Variants in MRPL19 observed in about 807,000 individuals in gnomAD.
MRPL19 encodes mitochondrial ribosomal protein L19, also known as large ribosomal subunit protein bL19m.
In MRPL19, 31 loss-of-function variants were observed where a neutral mutation model predicts 34.0. That is an observed-to-expected ratio of 0.91 (90% confidence interval 0.68 to 1.23). The LOEUF (loss-of-function observed/expected upper bound fraction) is 1.23, where lower values mean the gene tolerates loss of function less well. MRPL19 is among the 50% of genes most tolerant of loss of function. The pLI is 0.00. For synonymous variants in MRPL19, 152 were observed against 127.7 expected (o/e 1.19, Z -1.28); for missense variants, 384 against 367.6 (o/e 1.04, Z -0.37).
chr2:75,652,435 C>T (rs1431173961), intron 3 of MRPL19, 88 bp from the exon 4 acceptor site: 1 of 1,469,814 alleles, frequency 6.8e-7, no homozygotes, highest in African/African-American at 1.4e-5. Flanking sequence ...TCTAGAAATG[C>T]TATTTGTTTG....
intron 2 of MRPL19, chr2:75,651,919 CTA>C (rs1474526555): frequency 1.0e-4 from 34 of 339,156 alleles, no homozygotes; most frequent in African/African-American, 7.2e-4. Flanking sequence ...TTAATTTATG[CTA>C]TAGATGTTTC....
chr2:75,647,017 G>C (rs1436249184), intron 1 of MRPL19, 85 bp from the exon 2 acceptor site: 16 of 1,485,872 alleles, frequency 1.1e-5, no homozygotes, highest in Non-Finnish European at 1.4e-5. Context: ...TCCCCCGTGG[G>C]ACGCCGGGTT....
At chr2:75,648,580 C>T (rs898686145) in intron 2 of MRPL19, among the ~76,000 whole-genome samples, 1 of 152,062 alleles carries the variant, frequency 6.6e-6, no homozygotes, top group Non-Finnish European at 1.5e-5. Flanking sequence ...AAACTATAGG[C>T]CGGGTGCGGT....
At position 75,647,175 on chromosome 2, in the gene MRPL19, A is replaced by G; in HGVS notation, c.177A>G (p.Lys59=). ...CCGGTGCGTTCCAACCGCCGCCGAA[A>G]CCGGTCATCGTGGACAAGCACCGCC... The part of the protein sequence containing the change: ...SEPGAFQPPP[K]PVIVDKHRPV... The change falls in exon 2 of 6, where the codon AAA becomes AAG. Residue 59 remains lysine, a synonymous_variant. Coordinates refer to ENST00000393909, the MANE Select transcript of MRPL19 (RefSeq NM_014763.4). 1 of 1,580,660 alleles carries G rather than the reference A, an allele frequency of 6.3e-7. No homozygotes were observed.
chr2:75,654,786 G>C lies in MRPL19; in HGVS notation c.526G>C (p.Val176Leu). ...TAATCCTCGGGTCCAGGAGATTCAG[G>C]TGGTCAAATTAGAGAAACGGCTGGA... ...LYNPRVQEIQVVKLEKRLDDS... is the reference protein window; with the variant it reads ...LYNPRVQEIQLVKLEKRLDDS... Residue 176 changes from valine (V) to leucine (L), a missense_variant, in exon 5 of 6, where the codon GTG becomes CTG. Coordinates refer to ENST00000393909, the MANE Select transcript of MRPL19 (RefSeq NM_014763.4). 4 of 1,613,802 alleles carry C rather than the reference G, an allele frequency of 2.5e-6. No individual in the cohort carries two copies. Among genetic ancestry groups the C allele is most frequent in the Non-Finnish European group, 3.4e-6 (4 of 1,179,848 alleles).
Position 75,655,415 on chromosome 2 carries a change from C to A in MRPL19, c.*130C>A. On this transcript the variant is annotated 3_prime_UTR_variant, in exon 6 of 6. Transcript: ENST00000393909. ...CTAAGCATTCATTGTTTTATTAATACTTTTTTTCTAAAATAAAACTTGTAC... is the reference window on the plus strand; with the variant it reads ...CTAAGCATTCATTGTTTTATTAATAATTTTTTTCTAAAATAAAACTTGTAC... The A allele has an allele frequency of 1.4e-6, 1 of 695,096 alleles. No individual in the cohort carries two copies. The allele number at this position is 695,096 out of a possible 1,614,324, so 43.1% of individuals were successfully genotyped here.
At chr2:75,648,324 G>A (rs1464938410) in intron 2 of MRPL19, among the ~76,000 whole-genome samples, 1 of 151,994 alleles carries the variant, frequency 6.6e-6, no homozygotes, top group African/African-American at 2.4e-5. Flanking sequence ...CTCCTAACGT[G>A]TATGTACAAG....
In MRPL19 at chr2:75,659,499, C is replaced by G. The variant is rs573897529; in HGVS notation, c.*4214C>G. Among the ~76,000 whole-genome samples the G allele has an allele frequency of 6.6e-6, 1 of 152,218 alleles. No homozygotes were observed. The highest frequency in any genetic ancestry group is 2.4e-5 in the African/African-American group (1 of 41,554). ...TCATTATATAGATTTGAGTTACTGT[C>G]TAGTGCCCTTCCATTTCGGCCCAAA... On this transcript the variant is annotated 3_prime_UTR_variant, in exon 6 of 6. Transcript: ENST00000393909.
rs925422503 is a variant in MRPL19 at position 75,657,301 on chromosome 2, T to G, written c.*2016T>G. On this transcript the variant is annotated 3_prime_UTR_variant, in exon 6 of 6. Transcript: ENST00000393909. ...TGAATGGGCTTTTTTGGGAGTCCCC[T>G]CCTCCACATGAATATTTTGGTTTTG... is the stretch of plus-strand genomic sequence containing the variant. 2.0e-5 allele frequency: 3 copies of G among 152,048 alleles called. No individual in the cohort carries two copies. Among genetic ancestry groups the G allele is most frequent in the African/African-American group, 7.2e-5 (3 of 41,432 alleles). 9.4% of individuals were successfully genotyped at this position (152,048 alleles called of 1,614,324 possible). A position where few individuals can be genotyped will look rare whatever the true frequency, so the allele number is the denominator to read the frequency against.
In MRPL19 at chr2:75,660,244, A is replaced by G. The variant is rs1367633792; in HGVS notation, c.*4959A>G. ...CTTTATTGATATTCTCATTTTGTTC[A>G]TATGTCTCTTTCTTCCTTTAGTTCT... On this transcript the variant is annotated 3_prime_UTR_variant, in exon 6 of 6. Coordinates refer to ENST00000393909, the MANE Select transcript of MRPL19 (RefSeq NM_014763.4). Among the ~76,000 whole-genome samples the G allele has an allele frequency of 6.6e-6, 1 of 151,774 alleles. No individual in the cohort carries two copies. Among genetic ancestry groups the G allele is most frequent in the East Asian group, 1.9e-4 (1 of 5,160 alleles).
chr2:75,648,022 AC>A (rs1678258247), intron 2 of MRPL19, among the ~76,000 whole-genome samples: 1 of 151,784 alleles, frequency 6.6e-6, no homozygotes, highest in Non-Finnish European at 1.5e-5. Context: ...AGTAGCTGGA[AC>A]TACTGGTACC....
intron 2 of MRPL19, 162 bp downstream of exon 2, chr2:75,647,381 A>C: frequency 3.5e-5 from 22 of 636,110 alleles, no homozygotes; most frequent in Non-Finnish European, 5.0e-5. Context: ...TTTCTTTCTC[A>C]CTTCTCCCCA....
In MRPL19 at chr2:75,657,996, CA is replaced by C. The variant is rs1282534863; in HGVS notation, c.*2712del. On this transcript the variant is annotated 3_prime_UTR_variant, in exon 6 of 6. Coordinates refer to ENST00000393909, the MANE Select transcript of MRPL19 (RefSeq NM_014763.4). ...ATTACTACTATTTCCAAAATTTTCT[CA>C]TCACCCCAAACTGAAACTCTGTAAC... is the stretch of plus-strand genomic sequence containing the variant. 1 of 152,068 alleles carries C rather than the reference CA, an allele frequency of 6.6e-6. No homozygotes were observed. The highest frequency in any genetic ancestry group is 1.5e-5 in the Non-Finnish European group (1 of 67,990). The allele number at this position is 152,068 out of a possible 1,614,324, so 9.4% of individuals were successfully genotyped here.
At chr2:75,651,219 AC>A (rs1223258934) in intron 2 of MRPL19, 2 of 421,502 alleles carry the variant, frequency 4.7e-6, no homozygotes, top group Non-Finnish European at 9.4e-6. Flanking sequence ...TAATCCACCA[AC>A]CCAAATCCCT....
At chr2:75,646,954 A>G (rs1318770245) in intron 1 of MRPL19, 44 bp downstream of exon 1, 1 of 1,525,334 alleles carries the variant, frequency 6.6e-7, no homozygotes, top group Non-Finnish European at 8.8e-7. Context: ...TTAGGGGCCC[A>G]GGGTCAGGAT....
rs561610952 is a variant in MRPL19, at chr2:75,655,390, C to T, written c.*105C>T. 14 of 785,620 alleles carry T rather than the reference C, an allele frequency of 1.8e-5. No individual in the cohort carries two copies. The highest frequency in any genetic ancestry group is 1.6e-4 in the African/African-American group (9 of 56,482). 48.7% of individuals were successfully genotyped at this position (785,620 alleles called of 1,614,324 possible). On this transcript the variant is annotated 3_prime_UTR_variant, in exon 6 of 6. Coordinates refer to ENST00000393909, the MANE Select transcript of MRPL19 (RefSeq NM_014763.4). Reference sequence around the variant, plus strand: ...TATAAGAACATAGTAATTAAGTGAACTAAGCATTCATTGTTTTATTAATAC... The same window carrying T: ...TATAAGAACATAGTAATTAAGTGAATTAAGCATTCATTGTTTTATTAATAC...
intron 2 of MRPL19, among the ~76,000 whole-genome samples, chr2:75,648,613 A>G (rs1419310951): frequency 6.6e-6 from 1 of 152,016 alleles, no homozygotes; most frequent in Non-Finnish European, 1.5e-5. Context: ...TTATCCCAGC[A>G]CTTTGGGAGG....
chr2:75,648,033 C>G (rs1678258352), intron 2 of MRPL19, among the ~76,000 whole-genome samples: 1 of 151,862 alleles, frequency 6.6e-6, no homozygotes, highest in African/African-American at 2.4e-5. Flanking sequence ...CTACTGGTAC[C>G]ACGCCTGGCT....
rs141114473 is a variant in MRPL19 at position 75,658,951 on chromosome 2, T to A, written c.*3666T>A. On this transcript the variant is annotated 3_prime_UTR_variant, in exon 6 of 6. Coordinates refer to ENST00000393909, the MANE Select transcript of MRPL19 (RefSeq NM_014763.4). Reference sequence around the variant, plus strand: ...CAGCATATCACTATCTTGTTTTGTTTTGTTTTTTCTGTCCATTCTGCCAAT... The same window carrying A: ...CAGCATATCACTATCTTGTTTTGTTATGTTTTTTCTGTCCATTCTGCCAAT... 2.0e-5 allele frequency among the ~76,000 whole-genome samples: 3 copies of A among 152,092 alleles called. No individual in the cohort carries two copies. The highest frequency in any genetic ancestry group is 7.2e-5 in the African/African-American group (3 of 41,472).
Sources: gnomAD v4.1 joint callset for allele counts (sites outside exome capture counted in the v4.1 genomes callset) on GRCh38, gnomAD v4.1.1 for gene constraint, MANE v1.5 for transcripts, NCBI Gene and HGNC (gene_info 2026-07-23, HGNC 2026-07-21) for gene names.